ARL15: variants seen among roughly 807,000 people sequenced by gnomAD.
ARL15 encodes ADP-ribosylation factor-like protein 15.
A neutral mutation model predicts 25.2 loss-of-function variants in ARL15; 19 were observed. That is an observed-to-expected ratio of 0.75 (90% CI 0.53 to 1.10). The LOEUF (loss-of-function observed/expected upper bound fraction) is 1.10, where lower values mean the gene tolerates loss of function less well. Among genes scored for constraint, ARL15 ranks in the 50% least tolerant of loss-of-function variants. The pLI is 0.00. For synonymous variants in ARL15, 94 were observed against 86.8 expected, an observed-to-expected ratio of 1.08 and a Z score of -0.46; for missense variants, 220 against 246.0, an observed-to-expected ratio of 0.89 and a Z score of 0.71.
chr5:53,932,657 A>G (rs1389992935), intron 4 of ARL15, among the ~76,000 whole-genome samples: 1 of 152,230 alleles, frequency 6.6e-6, no homozygotes, highest in Non-Finnish European at 1.5e-5. Context: ...AGAAAGCAGG[A>G]TAAAGCCAAT....
intron 4 of ARL15, among the ~76,000 whole-genome samples, chr5:53,938,830 A>G (rs1746437511): frequency 6.6e-6 from 1 of 152,056 alleles, no homozygotes; most frequent in Non-Finnish European, 1.5e-5. Flanking sequence ...GGTGACAGAG[A>G]GAGACTCTGT....
At chr5:53,926,953 A>C (rs545299395) in intron 4 of ARL15, among the ~76,000 whole-genome samples, 1 of 149,278 alleles carries the variant, frequency 6.7e-6, no homozygotes, top group Admixed American at 6.7e-5. Context: ...TTTTTTTAAA[A>C]AAAAAAAATA....
intron 4 of ARL15, among the ~76,000 whole-genome samples, chr5:53,921,786 C>T (rs1745867647): frequency 6.6e-6 from 1 of 152,060 alleles, no homozygotes; most frequent in African/African-American, 2.4e-5. Flanking sequence ...CAAAACAAAA[C>T]AAAAAATCAT....
At chr5:54,042,003 C>T (rs1468901103) in intron 4 of ARL15, among the ~76,000 whole-genome samples, 3 of 150,546 alleles carry the variant, frequency 2.0e-5, no homozygotes, top group African/African-American at 7.3e-5. Context: ...CGGAGTCTCG[C>T]TTTGTCGCCC....
At position 54,113,276 on chromosome 5, in the gene ARL15, G is replaced by C; in HGVS notation, c.388C>G (p.Pro130Ala). The C allele has an allele frequency of 5.0e-6, 8 of 1,613,932 alleles. No homozygotes were observed. The highest frequency in any genetic ancestry group is 6.8e-6 in the Non-Finnish European group (8 of 1,179,874). ...RNELHSALQH[P>A]QLCTLPFLIL... The stretch of plus-strand genomic sequence containing the variant: ...AAAAAGGGTAAAGTGCATAACTGTG[G>C]ATGCTGAAGAGCTGAGTGCAGCTCA... The change falls in exon 4 of 5, where the codon CCA becomes GCA. Residue 130 changes from proline to alanine, a missense_variant. Physicochemically the swap from Pro to Ala is conservative, Grantham distance 27 (BLOSUM62 -1). Transcript: ENST00000504924.
Position 54,026,894 on chromosome 5 carries a change from T to A in ARL15, c.462+86308A>T, listed in dbSNP as rs189801816. On this transcript the variant is annotated intron_variant, in intron 4 of 4. Coordinates refer to ENST00000504924, the MANE Select transcript of ARL15 (RefSeq NM_019087.3). ...TGCCAGAAGGTTACTAGAAGGAATC[T>A]TCTTCTCTAGTTCCTACTGACAGAT... Among the ~76,000 whole-genome samples the A allele has an allele frequency of 2.6e-5, 4 of 152,306 alleles. No homozygotes were observed. In the East Asian group the frequency reaches 7.7e-4, roughly 29 times the overall value.
chr5:54,303,486 G>A (rs1196805389), intron 1 of ARL15, among the ~76,000 whole-genome samples: 2 of 152,024 alleles, frequency 1.3e-5, no homozygotes, highest in Non-Finnish European at 2.9e-5. Context: ...ACTCCAGCTT[G>A]GATGACAGAG....
intron 4 of ARL15, among the ~76,000 whole-genome samples, chr5:54,060,670 A>C (rs71619990): frequency 0.014 from 2,057 of 152,338 alleles, 15 homozygotes; most frequent in Admixed American, 0.021. Flanking sequence ...CTAATAATAC[A>C]GTACATTGGT....
In ARL15 at chr5:54,223,665, T is replaced by A. The variant is rs186504556; in HGVS notation, c.49-51737A>T. ...ATTTTATGATTCTCAAATCAGAGCT[T>A]TAAGAAAATAGATCCAAATAGCATA... On this transcript the variant is annotated intron_variant, in intron 1 of 4. Transcript: ENST00000504924. 9.1e-4 allele frequency among the ~76,000 whole-genome samples: 138 copies of A among 152,256 alleles called. 1 individual carries two copies. The highest frequency in any genetic ancestry group is 3.3e-3 in the African/African-American group (137 of 41,560).
At chr5:54,008,323 C>T (rs1749113621) in intron 4 of ARL15, among the ~76,000 whole-genome samples, 1 of 152,154 alleles carries the variant, frequency 6.6e-6, no homozygotes, top group Admixed American at 6.5e-5. Flanking sequence ...GCATTTTAGA[C>T]TCTATCTCTT....
At chr5:54,187,316 C>T (rs1755269164) in intron 1 of ARL15, among the ~76,000 whole-genome samples, 1 of 152,100 alleles carries the variant, frequency 6.6e-6, no homozygotes, top group Admixed American at 6.5e-5. Context: ...AAATTGCTGC[C>T]CCCTACCATC....
intron 4 of ARL15, among the ~76,000 whole-genome samples, chr5:53,994,885 G>A (rs1338594196): frequency 6.6e-6 from 1 of 151,922 alleles, no homozygotes; most frequent in Non-Finnish European, 1.5e-5. Flanking sequence ...ATGTTGCTGA[G>A]GCTGGTCTCA....
chr5:53,889,120 T>G (rs1464291984), intron 4 of ARL15, among the ~76,000 whole-genome samples: 1 of 151,900 alleles, frequency 6.6e-6, no homozygotes, highest in African/African-American at 2.4e-5. Flanking sequence ...TCACAAGAAA[T>G]TCAATATTAA....
At chr5:54,163,216 G>A (rs1465213411) in intron 2 of ARL15, among the ~76,000 whole-genome samples, 1 of 151,912 alleles carries the variant, frequency 6.6e-6, no homozygotes, top group Non-Finnish European at 1.5e-5. Context: ...TTTTGAATGT[G>A]CAACCAACTC....
chr5:54,298,777 T>C (rs576444937), intron 1 of ARL15, among the ~76,000 whole-genome samples: 8 of 151,994 alleles, frequency 5.3e-5, no homozygotes, highest in Non-Finnish European at 1.2e-4. Flanking sequence ...AATTGGCCAC[T>C]TTTTCCTGGA....
intron 4 of ARL15, among the ~76,000 whole-genome samples, chr5:53,908,968 A>C (rs769384511): frequency 1.3e-5 from 2 of 152,234 alleles, no homozygotes; most frequent in African/African-American, 2.4e-5. Flanking sequence ...ATCATATCCC[A>C]TCAAGTTTGG....
At chr5:54,076,402 C>A (rs543123881) in intron 4 of ARL15, among the ~76,000 whole-genome samples, 1 of 144,242 alleles carries the variant, frequency 6.9e-6, no homozygotes, top group East Asian at 2.0e-4. Context: ...GCCTGGGCGA[C>A]AGAGCGAGAC....
At chr5:54,082,410 G>A (rs568112857) in intron 4 of ARL15, among the ~76,000 whole-genome samples, 3 of 151,688 alleles carry the variant, frequency 2.0e-5, no homozygotes, top group Admixed American at 6.6e-5. Context: ...CATAATATTC[G>A]CTGTGGTTTT....
At chr5:54,111,823 C>T (rs57702041) in intron 4 of ARL15, among the ~76,000 whole-genome samples, 6,969 of 152,080 alleles carry the variant, frequency 0.046, 516 homozygotes, top group African/African-American at 0.16. Context: ...AACTACCCTT[C>T]ATTACATACT....
Sources: gnomAD v4.1 joint callset for allele counts (sites outside exome capture counted in the v4.1 genomes callset) on GRCh38, gnomAD v4.1.1 for gene constraint, MANE v1.5 for transcripts, NCBI Gene and HGNC (gene_info 2026-07-23, HGNC 2026-07-21) for gene names.